Variants in TBCK observed in about 807,000 individuals in gnomAD.
The protein encoded by TBCK is TBC domain-containing protein kinase-like protein.
A neutral mutation model predicts 113.4 loss-of-function variants in TBCK; 99 were observed. The ratio of observed to expected loss-of-function variants is 0.87; its 90% CI spans 0.74 to 1.03. TBCK has a LOEUF of 1.03. Among genes scored for constraint, TBCK ranks in the 50% least tolerant of loss-of-function variants. TBCK has a pLI of 0.00. For synonymous variants in TBCK, 369 were observed against 370.8 expected, an observed-to-expected ratio of 1.00 and a Z score of 0.05; for missense variants, 1,045 against 1,061.3, an observed-to-expected ratio of 0.98 and a Z score of 0.21.
chr4:106,199,304 T>C (rs1161912071), intron 20 of TBCK, among the ~76,000 whole-genome samples: 2 of 152,122 alleles, frequency 1.3e-5, no homozygotes, highest in Non-Finnish European at 1.5e-5. Context: ...TTTTTTTCCC[T>C]CCACTTGGCT....
intron 12 of TBCK, among the ~76,000 whole-genome samples, chr4:106,239,897 CT>C (rs1158604349): frequency 2.0e-5 from 3 of 151,920 alleles, no homozygotes; most frequent in African/African-American, 4.8e-5. Flanking sequence ...TAGTATACCC[CT>C]GATACCAAAC....
intron 23 of TBCK, among the ~76,000 whole-genome samples, chr4:106,127,419 G>A (rs527377048): frequency 1.3e-5 from 2 of 152,066 alleles, no homozygotes; most frequent in South Asian, 4.2e-4. Flanking sequence ...GTCTGAGAGG[G>A]AGAGAAATTA....
chr4:106,055,061 T>C (rs1454723856), intron 25 of TBCK, among the ~76,000 whole-genome samples: 4 of 150,018 alleles, frequency 2.7e-5, no homozygotes, highest in Non-Finnish European at 1.5e-5. Flanking sequence ...CCACCCATGA[T>C]AGACAATATC....
At chr4:106,314,715 T>C (rs1327804659) in intron 1 of TBCK, among the ~76,000 whole-genome samples, 1 of 135,730 alleles carries the variant, frequency 7.4e-6, no homozygotes, top group East Asian at 2.4e-4. Context: ...TCCTTCCACC[T>C]CCCGGGTTCA....
chr4:106,172,435 C>T (rs550838266), intron 22 of TBCK, among the ~76,000 whole-genome samples: 7 of 152,142 alleles, frequency 4.6e-5, no homozygotes, highest in Admixed American at 6.6e-5. Flanking sequence ...CACAGAAAGG[C>T]GGAGAAATTC....
chr4:106,293,308 G>A (rs763889317), intron 3 of TBCK, among the ~76,000 whole-genome samples: 2 of 152,090 alleles, frequency 1.3e-5, no homozygotes, highest in African/African-American at 2.4e-5. Context: ...CAACCAAAAC[G>A]AGATTACAGA....
chr4:106,238,768 T>C (rs563613476), intron 12 of TBCK: 1 of 152,288 alleles, frequency 6.6e-6, no homozygotes, highest in South Asian at 2.1e-4. Flanking sequence ...AGCATTGTGA[T>C]GTCCTCAAAG....
chr4:106,308,741 A>T (rs769630673), intron 2 of TBCK, 27 bp downstream of exon 2: 1 of 1,589,422 alleles, frequency 6.3e-7, no homozygotes, highest in Non-Finnish European at 8.6e-7. Context: ...AGAGAACATA[A>T]ATAGGAAAAA....
intron 5 of TBCK, among the ~76,000 whole-genome samples, chr4:106,252,257 C>A (rs1761518481): frequency 6.6e-6 from 1 of 152,008 alleles, no homozygotes; most frequent in African/African-American, 2.4e-5. Context: ...CCTTTATTTG[C>A]TTCTCTCTGT....
chr4:106,158,943 C>G (rs530307067), intron 23 of TBCK, among the ~76,000 whole-genome samples: 23 of 151,488 alleles, frequency 1.5e-4, no homozygotes, highest in Middle Eastern at 6.8e-3. Flanking sequence ...AATTATACAG[C>G]ATGATCAATT....
chr4:106,129,263 G>C (rs1003001454), intron 23 of TBCK, among the ~76,000 whole-genome samples: 1 of 152,136 alleles, frequency 6.6e-6, no homozygotes, highest in Non-Finnish European at 1.5e-5. Context: ...AGCCCCATAT[G>C]CATTAGCTAT....
chr4:106,162,560 T>C (rs1366734545), intron 23 of TBCK, among the ~76,000 whole-genome samples: 1 of 152,158 alleles, frequency 6.6e-6, no homozygotes, highest in Admixed American at 6.5e-5. Flanking sequence ...AAATTCTGCC[T>C]GGATATCCAG....
intron 22 of TBCK, among the ~76,000 whole-genome samples, chr4:106,179,817 G>A (rs771731096): frequency 3.9e-5 from 6 of 151,996 alleles, no homozygotes; most frequent in East Asian, 1.9e-4. Flanking sequence ...TGGATGACCT[G>A]TGTATTGCTA....
chr4:106,184,800 A>C (rs1323513743), intron 22 of TBCK, among the ~76,000 whole-genome samples: 1 of 152,038 alleles, frequency 6.6e-6, no homozygotes, highest in Non-Finnish European at 1.5e-5. Context: ...AGCATCTATC[A>C]TTTCTGTTGT....
intron 20 of TBCK, among the ~76,000 whole-genome samples, chr4:106,209,770 T>G (rs1755922288): frequency 6.6e-6 from 1 of 152,172 alleles, no homozygotes; most frequent in African/African-American, 2.4e-5. Context: ...TTCTGGTTAA[T>G]TGCCTGACTT....
In TBCK at chr4:106,118,106, A is replaced by C. The variant is rs543888776; in HGVS notation, c.2236-1728T>G. The stretch of plus-strand genomic sequence containing the variant: ...ATTTTTAATTTATGTTTCATAAGTT[A>C]TCAAAATAGAGTCTAATAATTATCT... On this transcript the variant is annotated intron_variant, in intron 23 of 25. Coordinates refer to ENST00000394708, the MANE Select transcript of TBCK (RefSeq NM_001163435.3). Among the ~76,000 whole-genome samples, 4 of 152,210 alleles carry C rather than the reference A, an allele frequency of 2.6e-5. No individual in the cohort carries two copies. The South Asian group carries it at 8.3e-4, about 32-fold the overall frequency.
At chr4:106,075,189 G>A (rs1738028984) in intron 25 of TBCK, among the ~76,000 whole-genome samples, 1 of 152,162 alleles carries the variant, frequency 6.6e-6, no homozygotes, top group Non-Finnish European at 1.5e-5. Flanking sequence ...CAGACAAAAA[G>A]ATGTAAAGTA....
At chr4:106,069,698 G>T (rs1560601879) in intron 25 of TBCK, among the ~76,000 whole-genome samples, 1 of 152,204 alleles carries the variant, frequency 6.6e-6, no homozygotes, top group Non-Finnish European at 1.5e-5. Flanking sequence ...TTGGTAGTTT[G>T]ATGGGGATGG....
chr4:106,083,844 A>C (rs1739193306), intron 25 of TBCK, among the ~76,000 whole-genome samples: 1 of 152,192 alleles, frequency 6.6e-6, no homozygotes, highest in South Asian at 2.1e-4. Context: ...GCCCTACAGA[A>C]GAGGGACTTG....
Sources: gnomAD v4.1 joint callset for allele counts (sites outside exome capture counted in the v4.1 genomes callset) on GRCh38, gnomAD v4.1.1 for gene constraint, MANE v1.5 for transcripts, NCBI Gene and HGNC (gene_info 2026-07-23, HGNC 2026-07-21) for gene names.